The following FSD1 variants were observed in gnomAD, a reference collection of about 807,000 sequenced individuals.
FSD1 encodes the protein fibronectin type III and SPRY domain containing 1.
Under a neutral mutation model 58.2 loss-of-function variants are expected in FSD1, and 23 were observed. The ratio of observed to expected loss-of-function variants is 0.40; its 90% CI spans 0.28 to 0.56. The LOEUF is 0.56. Among genes scored for constraint, FSD1 ranks in the 20% least tolerant of loss-of-function variants. The probability of loss-of-function intolerance (pLI) is 0.54; values close to 1 mark genes in which losing one functional copy is unlikely to be tolerated. For synonymous variants in FSD1, 265 were observed against 263.4 expected (o/e 1.01, Z -0.06); for missense variants, 563 against 670.8 (o/e 0.84, Z 1.78).
At chr19:4,306,639 C>A (rs1156868793) in intron 3 of FSD1, among the ~76,000 whole-genome samples, 2 of 152,048 alleles carry the variant, frequency 1.3e-5, no homozygotes, top group East Asian at 3.9e-4. Flanking sequence ...GGCTAATTTT[C>A]GTATTTTTAG....
intron 4 of FSD1, 89 bp downstream of exon 4, chr19:4,308,072 T>C (rs8110256): frequency 0.012 from 12,388 of 1,009,952 alleles, 348 homozygotes; most frequent in African/African-American, 0.089. Context: ...AGTGTAAGTA[T>C]AGCCCACCCA....
In FSD1 at chr19:4,312,017, C is replaced by T. The variant is rs772809988; in HGVS notation, c.666C>T (p.Ile222=). ...AGGAGGACCAGCCCTGGATGGTCAT[C>T]GAGGGCATCCGGCAGACAGAGTACA... ...RLKEDQPWMV[I]EGIRQTEYTL... Residue 222 remains isoleucine (I), a synonymous_variant, in exon 7 of 13, where the codon ATC becomes ATT. Transcript: ENST00000221856. 38 of 1,611,372 alleles carry T rather than the reference C, an allele frequency of 2.4e-5. No homozygotes were observed. The highest frequency in any genetic ancestry group is 2.8e-5 in the Non-Finnish European group (33 of 1,179,978).
At chr19:4,308,420 AAAAAG>A (rs1971649135) in intron 4 of FSD1, among the ~76,000 whole-genome samples, 1 of 151,930 alleles carries the variant, frequency 6.6e-6, no homozygotes, top group Non-Finnish European at 1.5e-5. Context: ...AAACAAAGAA[AAAAAG>A]AAAAGAAAGC....
intron 4 of FSD1, 125 bp downstream of exon 4, chr19:4,308,108 TG>T: frequency 1.5e-6 from 1 of 689,066 alleles, no homozygotes; most frequent in East Asian, 2.9e-5. Flanking sequence ...AAGTACATAC[TG>T]ATACCAAGAA....
chr19:4,315,277 G>A (rs1009600633), intron 7 of FSD1, among the ~76,000 whole-genome samples: 1 of 150,304 alleles, frequency 6.7e-6, no homozygotes, highest in Non-Finnish European at 1.5e-5. Flanking sequence ...AGGCACTATA[G>A]GCATGCGCCC....
intron 7 of FSD1, among the ~76,000 whole-genome samples, chr19:4,314,738 C>T (rs1464260817): frequency 6.6e-6 from 1 of 152,214 alleles, no homozygotes; most frequent in Non-Finnish European, 1.5e-5. Flanking sequence ...CCGCCTGCCT[C>T]GGCCTCCCAG....
chr19:4,311,901 C>T lies in FSD1; in HGVS notation c.550C>T (p.Leu184=). 3 of 1,614,176 alleles carry T rather than the reference C, an allele frequency of 1.9e-6. No individual in the cohort carries two copies. The highest frequency in any genetic ancestry group is 2.5e-6 in the Non-Finnish European group (3 of 1,180,030). Residue 184 remains leucine, a synonymous_variant, in exon 7 of 13, where the codon CTG becomes TTG. Coordinates refer to ENST00000221856, the MANE Select transcript of FSD1 (RefSeq NM_024333.3). ...CCTGGTGGCAGATAACTGTGTGACC[C>T]TGGTGTGGCGCATGCCGGATGAGGA... is the stretch of plus-strand genomic sequence containing the variant. The part of the protein sequence containing the change: ...ESLVADNCVT[L]VWRMPDEDSK...
chr19:4,311,520 A>G, intron 6 of FSD1: 1 of 288,502 alleles, frequency 3.5e-6, no homozygotes, highest in Non-Finnish European at 6.7e-6. Flanking sequence ...TGTCTCTACT[A>G]AAAATATAAA....
At position 4,323,089 on chromosome 19, in the gene FSD1, C is replaced by CGAGCAACT. The variant is rs1490332482; in HGVS notation, c.1145_1152dup (p.Gly385SerfsTer87). On this transcript the variant is annotated frameshift_variant, in exon 11 of 13. Transcript: ENST00000221856. LOFTEE classifies it high-confidence loss of function. This position sits in a 1 kb window ranked among gnomAD's most constrained non-coding sequence, Gnocchi z 7.7. ...TGGCCTACCGCAGCCTGGGCCGCTT[C>CGAGCAACT]GAGCAACTGGGCAAGACGGCCGCCT... 1 of 1,610,166 alleles carries CGAGCAACT rather than the reference C, an allele frequency of 6.2e-7. No individual in the cohort carries two copies. Among genetic ancestry groups the CGAGCAACT allele is most frequent in the Non-Finnish European group, 8.5e-7 (1 of 1,179,754 alleles).
chr19:4,310,621 C>T (rs532478878), intron 6 of FSD1, 25 bp downstream of exon 6: 7 of 1,603,968 alleles, frequency 4.4e-6, no homozygotes, highest in Non-Finnish European at 6.0e-6. Context: ...CACTAGAGGG[C>T]CAGGACTTCC....
At chr19:4,315,782 TTG>T (rs1169964922) in intron 7 of FSD1, among the ~76,000 whole-genome samples, 1 of 151,908 alleles carries the variant, frequency 6.6e-6, no homozygotes, top group African/African-American at 2.4e-5. Flanking sequence ...TGGCTAATTT[TTG>T]TGTTTTTAGT....
Position 4,306,015 on chromosome 19 carries a change from C to G in FSD1, c.85C>G (p.Leu29Val). Residue 29 changes from leucine (L) to valine (V), a missense_variant, in exon 2 of 13, where the codon CTG (leucine) becomes GTG (valine). Transcript: ENST00000221856. The part of the protein sequence containing the change: ...NEEIQSFIYS[L>V]KQMLLNVEAN... ...AGAAATTCAGAGCTTTATCTACTCCCTGAAACAGATGCTGCTGAACGTGGA... is the reference window on the plus strand; with the variant it reads ...AGAAATTCAGAGCTTTATCTACTCCGTGAAACAGATGCTGCTGAACGTGGA... 1.2e-6 allele frequency: 2 copies of G among 1,614,100 alleles called. No homozygotes were observed. The highest frequency in any genetic ancestry group is 1.1e-5 in the South Asian group (1 of 91,074).
intron 3 of FSD1, among the ~76,000 whole-genome samples, chr19:4,307,023 T>C (rs530330629): frequency 6.6e-6 from 1 of 152,296 alleles, no homozygotes; most frequent in African/African-American, 2.4e-5. Context: ...TCTAGAGCCC[T>C]GGAGCTCGGA....
intron 10 of FSD1, among the ~76,000 whole-genome samples, chr19:4,320,025 A>G (rs73534808): frequency 0.058 from 8,842 of 152,068 alleles, 289 homozygotes; most frequent in Middle Eastern, 0.12. Context: ...TGGATTGTGT[A>G]CAGAGCTGAA....
chr19:4,323,320 C>A lies in FSD1; in HGVS notation c.1292-28C>A. ...GCCCCCATCCCACTTCTGACCGGTC[C>A]CACTGTCACTCTGCCCCCCGACCCC... On this transcript the variant is annotated intron_variant, in intron 11 of 12. Transcript: ENST00000221856. The surrounding 1 kb of genome is among the most constrained non-coding windows in gnomAD (Gnocchi z 7.7). 6.2e-7 allele frequency: 1 copy of A among 1,609,626 alleles called. No individual in the cohort carries two copies. The highest frequency in any genetic ancestry group is 1.1e-5 in the South Asian group (1 of 90,990).
At chr19:4,322,915 C>T in intron 10 of FSD1, 71 bp from the exon 11 acceptor site, 1 of 1,524,454 alleles carries the variant, frequency 6.6e-7, no homozygotes, top group East Asian at 2.4e-5. Context: ...GGGGCTGGCC[C>T]TTTGTGGAAG....
Position 4,323,659 on chromosome 19 carries a change from C to A in FSD1, c.*16C>A. 6.3e-7 allele frequency: 1 copy of A among 1,583,580 alleles called. No individual in the cohort carries two copies. The highest frequency in any genetic ancestry group is 8.7e-7 in the Non-Finnish European group (1 of 1,155,698). ...CCTCACCTAGGCCCCCAGGCACCCA[C>A]CCAGCTGGGGTGTTTTTGGGGGAGT... On this transcript the variant is annotated 3_prime_UTR_variant, in exon 13 of 13. Transcript: ENST00000221856. The surrounding 1 kb of genome is among the most constrained non-coding windows in gnomAD (Gnocchi z 7.7).
At chr19:4,310,352 G>C (rs1212055420) in intron 5 of FSD1, 57 bp downstream of exon 5, 6 of 1,611,820 alleles carry the variant, frequency 3.7e-6, no homozygotes, top group Non-Finnish European at 5.1e-6. Flanking sequence ...GTGAAGACAG[G>C]GGCCACCTGG....
At chr19:4,310,757 T>C (rs1259425197) in intron 6 of FSD1, 161 bp downstream of exon 6, 3 of 761,274 alleles carry the variant, frequency 3.9e-6, no homozygotes, top group African/African-American at 1.8e-5. Flanking sequence ...GGGGGTGGAG[T>C]TCTCATGGAG....
Sources: gnomAD v4.1 joint callset for allele counts (sites outside exome capture counted in the v4.1 genomes callset) on GRCh38, gnomAD v4.1.1 for gene constraint, Gnocchi (gnomAD v3.1) non-coding constraint, MANE v1.5 for transcripts, NCBI Gene and HGNC (gene_info 2026-07-23, HGNC 2026-07-21) for gene names.